The following SPTBN2 variants were observed in gnomAD, a reference collection of about 807,000 sequenced individuals.
The protein encoded by SPTBN2 is spectrin beta chain, non-erythrocytic 2.
In SPTBN2, 107 loss-of-function variants were observed where a neutral mutation model predicts 284.2. That is an observed-to-expected ratio of 0.38 (90% CI 0.32 to 0.44). SPTBN2 has a LOEUF of 0.44. SPTBN2 is among the 20% of genes least tolerant of loss of function. The pLI is 1.00. For missense variants in SPTBN2, 2,569 were observed against 3,287.1 expected (o/e 0.78, Z 5.34); for synonymous variants, 1,289 against 1,354.8 (o/e 0.95, Z 1.07).
At position 66,687,618 on chromosome 11, in the gene SPTBN2, C is replaced by T. The variant is rs757996690; in HGVS notation, c.6531G>A (p.Gly2177=). 1.2e-6 allele frequency: 2 copies of T among 1,603,616 alleles called. No homozygotes were observed. The highest frequency in any genetic ancestry group is 4.5e-5 in the East Asian group (2 of 44,718). The change falls in exon 35 of 38, where the codon GGG becomes GGA. Residue 2177 remains glycine (G), a synonymous_variant. Transcript: ENST00000533211. This position sits in a 1 kb window ranked among gnomAD's most constrained non-coding sequence, Gnocchi z 5.2. The part of the protein sequence containing the change: ...PGPGSGDEAN[G]PRGERQTRTR... ...TCCGGGTCTGCCTCTCTCCCCGGGG[C>T]CCATTGGCTTCGTCCCCTGAGCCAG... is the stretch of plus-strand genomic sequence containing the variant.
intron 1 of SPTBN2, among the ~76,000 whole-genome samples, chr11:66,741,433 T>C (rs1009636879): frequency 2.0e-5 from 3 of 152,256 alleles, no homozygotes; most frequent in Non-Finnish European, 2.9e-5. Flanking sequence ...ATTAAAACTC[T>C]TTCCTTTATA....
rs540493175 is a variant in SPTBN2 at position 66,735,745 on chromosome 11, G to A, written c.-474-6553C>T. 1.9e-4 allele frequency among the ~76,000 whole-genome samples: 29 copies of A among 152,192 alleles called. 1 individual carries two copies. Among genetic ancestry groups the A allele is most frequent in the Middle Eastern group, 3.4e-3 (1 of 294 alleles). ...AAAAACAAAAAACCAAACTTGCAAC[G>A]ATTGCATTATTTATTTTTTTTAATC... is the stretch of plus-strand genomic sequence containing the variant. On this transcript the variant is annotated intron_variant, in intron 1 of 37. Transcript: ENST00000611817.
intron 1 of SPTBN2, among the ~76,000 whole-genome samples, chr11:66,739,022 G>A (rs917540333): frequency 1.3e-5 from 2 of 151,440 alleles, no homozygotes; most frequent in African/African-American, 2.4e-5. Flanking sequence ...GGCCAGGCTG[G>A]TCTTGGGCTC....
intron 8 of SPTBN2, 25 bp downstream of exon 8, chr11:66,713,606 C>T (rs1463611666): frequency 1.9e-6 from 3 of 1,599,658 alleles, no homozygotes; most frequent in Non-Finnish European, 2.6e-6. Flanking sequence ...CCTACCACCT[C>T]TTTTTCACAT....
Position 66,692,629 on chromosome 11 carries a change from G to C in SPTBN2, c.5097C>G (p.Leu1699=). 6.2e-7 allele frequency: 1 copy of C among 1,606,156 alleles called. No individual in the cohort carries two copies. Among genetic ancestry groups the C allele is most frequent in the Non-Finnish European group, 8.5e-7 (1 of 1,179,952 alleles). The change falls in exon 26 of 38, where the codon CTC becomes CTG. Residue 1699 remains leucine, a synonymous_variant. Coordinates refer to ENST00000533211, the MANE Select transcript of SPTBN2 (RefSeq NM_006946.4). ...RLQEHLRLCQ[L]RRELDDLEQW... is the part of the protein sequence containing the mutation. ...GTTCCAGGTCATCCAGCTCGCGGCGGAGCTGGCACAGCCGGAGGTGCTCCT... is the reference window on the plus strand; with the variant it reads ...GTTCCAGGTCATCCAGCTCGCGGCGCAGCTGGCACAGCCGGAGGTGCTCCT...
chr11:66,704,464 A>C (rs1387476051), intron 15 of SPTBN2, 134 bp downstream of exon 15: 1 of 1,111,112 alleles, frequency 9.0e-7, no homozygotes, highest in East Asian at 2.6e-5. Context: ...ATTTTTTGTT[A>C]AAACTAGAAA....
rs757668466 is a variant in SPTBN2 at position 66,691,403 on chromosome 11, G to A, written c.5446C>T (p.Arg1816Trp). 1.2e-6 allele frequency: 2 copies of A among 1,609,828 alleles called. No homozygotes were observed. The highest frequency in any genetic ancestry group is 1.7e-6 in the Non-Finnish European group (2 of 1,177,576). ...AGCTGCTGCTGCTTGTGCTGCACCC[G>A]CGCCAGGGCTTGGCGTGCCCCGTGC... ...FLHGARQALA[R>W]VQHKQQQLPD... Residue 1816 changes from arginine to tryptophan, a missense_variant, in exon 27 of 38, where the codon CGG (arginine) becomes TGG (tryptophan). Transcript: ENST00000533211. This position sits in a 1 kb window ranked among gnomAD's most constrained non-coding sequence, Gnocchi z 8.0.
Position 66,714,285 on chromosome 11 carries a change from C to T in SPTBN2, c.575+31G>A. 1 of 1,611,762 alleles carries T rather than the reference C, an allele frequency of 6.2e-7. No homozygotes were observed. Among genetic ancestry groups the T allele is most frequent in the Non-Finnish European group, 8.5e-7 (1 of 1,178,008 alleles). ...CAGCACAGCCTGGGGGTCACTGACC[C>T]TCCAGTGCCACACGCCCAGGGTGTC... On this transcript the variant is annotated intron_variant, in intron 6 of 37. Coordinates refer to ENST00000533211, the MANE Select transcript of SPTBN2 (RefSeq NM_006946.4).
chr11:66,742,733 C>T (rs529389688), intron 1 of SPTBN2, among the ~76,000 whole-genome samples: 6 of 152,198 alleles, frequency 3.9e-5, no homozygotes, highest in African/African-American at 1.4e-4. Flanking sequence ...CCTCAGCCTC[C>T]CAGGTAGCTG....
At chr11:66,729,927 G>A (rs902516616), upstream of SPTBN2, among the ~76,000 whole-genome samples, 22 of 151,758 alleles carry the variant, frequency 1.4e-4, no homozygotes, top group African/African-American at 5.1e-4. Context: ...TCAGCCTCCC[G>A]AGTAGCTGGG....
intron 3 of SPTBN2, among the ~76,000 whole-genome samples, chr11:66,719,169 G>A (rs766809233): frequency 2.1e-4 from 32 of 152,228 alleles, no homozygotes; most frequent in Non-Finnish European, 4.1e-4. Flanking sequence ...AATCCTCAAA[G>A]AGGAAAAGCC....
chr11:66,731,185 C>T (rs555161326), upstream of SPTBN2, among the ~76,000 whole-genome samples: 22 of 152,188 alleles, frequency 1.4e-4, no homozygotes, highest in South Asian at 3.5e-3. Context: ...ATGATTTTAC[C>T]GTATTATTTC....
At chr11:66,739,963 T>C (rs903736262) in intron 1 of SPTBN2, among the ~76,000 whole-genome samples, 1 of 152,072 alleles carries the variant, frequency 6.6e-6, no homozygotes, top group African/African-American at 2.4e-5. Context: ...ACCCAGGAGA[T>C]GGAGGTTGCA....
rs1940333036 is a variant in SPTBN2 at position 66,688,859 on chromosome 11, TC to T, written c.6035-11del. On this transcript the variant is annotated splice_polypyrimidine_tract_variant and intron_variant, in intron 30 of 37. Coordinates refer to ENST00000533211, the MANE Select transcript of SPTBN2 (RefSeq NM_006946.4). ...ACAAGCACCTCCAAAACTGGCAGGA[TC>T]GGGGGTTGCAGGAAGATGGTGGGTC... The T allele has an allele frequency of 1.2e-6, 2 of 1,609,566 alleles. No individual in the cohort carries two copies. Among genetic ancestry groups the T allele is most frequent in the African/African-American group, 2.7e-5 (2 of 74,852 alleles).
At chr11:66,739,065 C>A (rs932885076) in intron 1 of SPTBN2, among the ~76,000 whole-genome samples, 2 of 152,166 alleles carry the variant, frequency 1.3e-5, no homozygotes, top group South Asian at 2.1e-4. Context: ...CTTTAGCCTC[C>A]CCAAATGCTG....
At chr11:66,688,462 G>A (rs1198887027) in intron 31 of SPTBN2, 151 bp from the exon 32 acceptor site, 22 of 1,516,180 alleles carry the variant, frequency 1.5e-5, no homozygotes, top group Admixed American at 3.9e-5. Context: ...GAAACAAAGC[G>A]GGAGAAGGTG....
At chr11:66,720,061 G>C (rs573860034) in intron 3 of SPTBN2, among the ~76,000 whole-genome samples, 6 of 152,266 alleles carry the variant, frequency 3.9e-5, no homozygotes, top group African/African-American at 1.4e-4. Flanking sequence ...CCTGAGTTCT[G>C]GACCAAGATT....
rs945895488 is a variant in SPTBN2 at position 66,693,109 on chromosome 11, A to T, written c.4855-9T>A. The T allele has an allele frequency of 3.1e-6, 5 of 1,614,092 alleles. No individual in the cohort carries two copies. The African/African-American group carries it at 5.3e-5, about 17-fold the overall frequency. The stretch of plus-strand genomic sequence containing the variant: ...TGGGCACTCAGCTCATCCTGGGGGA[A>T]GGGACAGTGGCATCCAGCATCAGGT... On this transcript the variant is annotated splice_polypyrimidine_tract_variant and intron_variant, in intron 24 of 37. Transcript: ENST00000533211. This position sits in a 1 kb window ranked among gnomAD's most constrained non-coding sequence, Gnocchi z 5.7.
Position 66,686,287 on chromosome 11 carries a change from A to C in SPTBN2, c.6939+111T>G, listed in dbSNP as rs771784600. ...GCGGCCGTCGCACACATCCAGTCTT[A>C]CCACAAAGGACAAGACCAGGAAAAA... On this transcript the variant is annotated intron_variant, in intron 37 of 37. Transcript: ENST00000533211. The C allele has an allele frequency of 3.3e-6, 5 of 1,495,576 alleles. No homozygotes were observed. In the African/African-American group the frequency reaches 6.9e-5, roughly 21 times the overall value. 92.6% of individuals were successfully genotyped at this position (1,495,576 alleles called of 1,614,324 possible).
Sources: allele counts gnomAD v4.1 joint callset (sites outside exome capture counted in the v4.1 genomes callset), GRCh38; gene constraint gnomAD v4.1.1; non-coding constraint Gnocchi (gnomAD v3.1); transcripts MANE v1.5; gene names NCBI Gene and HGNC (gene_info 2026-07-23, HGNC 2026-07-21).